SMIM20: variants seen among roughly 807,000 people sequenced by gnomAD.
The protein encoded by SMIM20 is small integral membrane protein 20.
In SMIM20, 3 loss-of-function variants were observed where a neutral mutation model predicts 8.7. The ratio of observed to expected loss-of-function variants is 0.34; its 90% CI spans 0.16 to 0.89. The LOEUF is 0.89. Among genes scored for constraint, SMIM20 ranks in the 40% least tolerant of loss-of-function variants. The pLI is 0.49. For synonymous variants in SMIM20, 44 were observed against 33.6 expected (o/e 1.31, Z -1.07); for missense variants, 85 against 84.8 (o/e 1.00, Z -0.01).
intron 1 of SMIM20, among the ~76,000 whole-genome samples, chr4:25,922,012 GTGAT>G (rs1446670190): frequency 6.6e-6 from 1 of 152,196 alleles, no homozygotes; most frequent in Non-Finnish European, 1.5e-5. Context: ...TAAGTTAGAA[GTGAT>G]TGGTTATATT....
At chr4:25,921,212 A>G (rs1577361179) in intron 1 of SMIM20, among the ~76,000 whole-genome samples, 1 of 152,080 alleles carries the variant, frequency 6.6e-6, no homozygotes, top group African/African-American at 2.4e-5. Context: ...GGGAGTGGAG[A>G]TAAGTGACTG....
intron 2 of SMIM20, among the ~76,000 whole-genome samples, chr4:25,928,600 T>C (rs190698397): frequency 2.6e-5 from 4 of 152,382 alleles, no homozygotes; most frequent in African/African-American, 9.6e-5. Flanking sequence ...GTTCCTCTTT[T>C]CCATTTTATA....
Position 25,915,863 on chromosome 4 carries a change from G to C in SMIM20, c.109+1441G>C, listed in dbSNP as rs965005646. On this transcript the variant is annotated intron_variant, in intron 1 of 2. Transcript: ENST00000506197. ...TTGTCACAACTTGGGATGGGGCGGG[G>C]GGGGGGTCGAGTGTTGCTACTGGTT... is the stretch of plus-strand genomic sequence containing the variant. Among the ~76,000 whole-genome samples, 11 of 126,638 alleles carry C rather than the reference G, an allele frequency of 8.7e-5. 1 individual carries two copies. Among genetic ancestry groups the C allele is most frequent in the Admixed American group, 1.6e-4 (2 of 12,840 alleles). The allele number at this position is 126,638 out of a possible 152,430, so 83.1% of individuals were successfully genotyped here.
At chr4:25,917,731 C>T (rs1326296004) in intron 1 of SMIM20, among the ~76,000 whole-genome samples, 1 of 152,196 alleles carries the variant, frequency 6.6e-6, no homozygotes, top group Non-Finnish European at 1.5e-5. Context: ...GTCCACCTCG[C>T]TCCACCCATT....
At chr4:25,928,030 T>C (rs1711548304) in intron 1 of SMIM20, among the ~76,000 whole-genome samples, 1 of 152,256 alleles carries the variant, frequency 6.6e-6, no homozygotes, top group South Asian at 2.1e-4. Flanking sequence ...GTTGTTGTTT[T>C]CTTGTCTTTC....
At chr4:25,927,125 C>A (rs1163792066) in intron 1 of SMIM20, among the ~76,000 whole-genome samples, 1 of 152,216 alleles carries the variant, frequency 6.6e-6, no homozygotes, top group Non-Finnish European at 1.5e-5. Flanking sequence ...TCATCCGCTA[C>A]TTTTCAGAGA....
intron 1 of SMIM20, among the ~76,000 whole-genome samples, chr4:25,918,574 G>A (rs1439873140): frequency 6.6e-6 from 1 of 151,774 alleles, no homozygotes; most frequent in Non-Finnish European, 1.5e-5. Flanking sequence ...GCAATGGTGT[G>A]ATCTTAGCTC....
intron 1 of SMIM20, among the ~76,000 whole-genome samples, chr4:25,917,940 T>G (rs1170658581): frequency 6.9e-6 from 1 of 144,604 alleles, no homozygotes; most frequent in African/African-American, 2.6e-5. Flanking sequence ...TCAGTTTTTT[T>G]TTTTTGTTTT....
chr4:25,928,304 G>A lies in SMIM20; in HGVS notation c.110-9G>A. 6.5e-7 allele frequency: 1 copy of A among 1,547,630 alleles called. No homozygotes were observed. The highest frequency in any genetic ancestry group is 8.7e-7 in the Non-Finnish European group (1 of 1,145,454). On this transcript the variant is annotated splice_polypyrimidine_tract_variant and intron_variant, in intron 1 of 2. Transcript: ENST00000506197. Reference sequence around the variant, plus strand: ...TTCTAAAGAATGATTTTTCTCTTATGTTTCTCAGAGAAGGAACAAGCTATA... The same window carrying A: ...TTCTAAAGAATGATTTTTCTCTTATATTTCTCAGAGAAGGAACAAGCTATA...
chr4:25,916,541 C>T (rs143010005), intron 1 of SMIM20, among the ~76,000 whole-genome samples: 1 of 150,904 alleles, frequency 6.6e-6, no homozygotes, highest in Non-Finnish European at 1.5e-5. Context: ...ATTTGGCCAA[C>T]TCTTTTCTGG....
chr4:25,916,156 C>T (rs1719087620), intron 1 of SMIM20, among the ~76,000 whole-genome samples: 1 of 152,140 alleles, frequency 6.6e-6, no homozygotes, highest in South Asian at 2.1e-4. Context: ...GTGAATGTAA[C>T]TATAATATCT....
At chr4:25,923,907 G>A (rs1270595447) in intron 1 of SMIM20, among the ~76,000 whole-genome samples, 1 of 152,258 alleles carries the variant, frequency 6.6e-6, no homozygotes, top group Non-Finnish European at 1.5e-5. Context: ...AGGCTCTGGT[G>A]AGGAAACAGA....
At chr4:25,925,478 C>T (rs1159395210) in intron 1 of SMIM20, among the ~76,000 whole-genome samples, 1 of 152,138 alleles carries the variant, frequency 6.6e-6, no homozygotes, top group Non-Finnish European at 1.5e-5. Context: ...CTCAGGTGAT[C>T]CACCCGCCTC....
intron 1 of SMIM20, among the ~76,000 whole-genome samples, chr4:25,915,834 T>G (rs1719077068): frequency 7.5e-6 from 1 of 133,828 alleles, no homozygotes; most frequent in Non-Finnish European, 1.6e-5. Flanking sequence ...GGAGACATTT[T>G]TGCTTGTCAC....
At chr4:25,928,581 G>A (rs570901976) in intron 2 of SMIM20, among the ~76,000 whole-genome samples, 2 of 152,266 alleles carry the variant, frequency 1.3e-5, no homozygotes, top group South Asian at 2.1e-4. Context: ...CTTTTTGCAC[G>A]TTTGCCAGGT....
intron 1 of SMIM20, 120 bp downstream of exon 1, chr4:25,914,542 G>A: frequency 1.0e-6 from 1 of 991,136 alleles, no homozygotes; most frequent in Non-Finnish European, 1.4e-6. Context: ...AGCCGGGTTC[G>A]AATCCTGCCA....
At chr4:25,914,803 C>G (rs114710977) in intron 1 of SMIM20, among the ~76,000 whole-genome samples, 2 of 152,184 alleles carry the variant, frequency 1.3e-5, no homozygotes, top group African/African-American at 4.8e-5. Flanking sequence ...TTTGCACAAG[C>G]TCACCTTGAA....
intron 1 of SMIM20, among the ~76,000 whole-genome samples, chr4:25,920,367 TAGTTTCTCACACAAA>T (rs1210380678): frequency 3.3e-5 from 5 of 152,206 alleles, no homozygotes; most frequent in Non-Finnish European, 5.9e-5. Flanking sequence ...TGTTGTATCT[TAGTTTCTCACACAAA>T]AGTTTAAAAA....
chr4:25,922,061 G>A (rs1719211675), intron 1 of SMIM20, among the ~76,000 whole-genome samples: 1 of 152,244 alleles, frequency 6.6e-6, no homozygotes, highest in Admixed American at 6.5e-5. Context: ...GAAGTAGGCA[G>A]AAGGCAGGTT....
Sources: allele counts gnomAD v4.1 joint callset (sites outside exome capture counted in the v4.1 genomes callset), GRCh38; gene constraint gnomAD v4.1.1; transcripts MANE v1.5; gene names NCBI Gene and HGNC (gene_info 2026-07-23, HGNC 2026-07-21).